Variants in CHRNA7 observed in about 807,000 individuals in gnomAD.
CHRNA7 encodes the protein neuronal acetylcholine receptor subunit alpha-7.
Under a neutral mutation model 48.0 loss-of-function variants are expected in CHRNA7, and 17 were observed. That is an observed-to-expected ratio of 0.35 (90% CI 0.24 to 0.53). The LOEUF is 0.53. CHRNA7 is among the 20% of genes least tolerant of loss of function. The probability of loss-of-function intolerance (pLI) is 0.92; values close to 1 mark genes in which losing one functional copy is unlikely to be tolerated. For synonymous variants in CHRNA7, 75 were observed against 242.3 expected (o/e 0.31, Z 6.41); for missense variants, 155 against 577.7 (o/e 0.27, Z 7.50).
intron 2 of CHRNA7, among the ~76,000 whole-genome samples, chr15:32,062,784 A>G (rs879919773): frequency 2.0e-5 from 3 of 151,732 alleles, no homozygotes; most frequent in Non-Finnish European, 4.4e-5. Flanking sequence ...TGCTATAACA[A>G]CTCCCAGAAC....
At chr15:32,132,354 TCTGC>T (rs2051171305) in intron 4 of CHRNA7, among the ~76,000 whole-genome samples, 2 of 152,288 alleles carry the variant, frequency 1.3e-5, no homozygotes, top group East Asian at 3.9e-4. Context: ...ACCATGCCGT[TCTGC>T]CTGTCACAAA....
intron 2 of CHRNA7, among the ~76,000 whole-genome samples, chr15:32,053,457 T>C (rs568032468): frequency 4.6e-5 from 7 of 152,334 alleles, no homozygotes; most frequent in African/African-American, 1.4e-4. Context: ...TTAATTTCAG[T>C]GATTTCCTTA....
At chr15:32,054,113 G>A (rs188884994) in intron 2 of CHRNA7, among the ~76,000 whole-genome samples, 12 of 152,276 alleles carry the variant, frequency 7.9e-5, no homozygotes, top group Admixed American at 2.0e-4. Context: ...GAGAAGGCAC[G>A]TGTTAGGCTA....
intron 3 of CHRNA7, 125 bp downstream of exon 3, chr15:32,101,472 A>AAGGCC: frequency 9.8e-7 from 1 of 1,025,204 alleles, no homozygotes. Flanking sequence ...AAAAAAACAA[A>AAGGCC]AGGCCATGGC....
intron 2 of CHRNA7, among the ~76,000 whole-genome samples, chr15:32,062,961 CTGT>C (rs2049903400): frequency 2.0e-5 from 3 of 152,168 alleles, no homozygotes; most frequent in African/African-American, 7.2e-5. Flanking sequence ...GGCTATAAAC[CTGT>C]ACAGCATGGT....
intron 3 of CHRNA7, 75 bp from the exon 4 acceptor site, chr15:32,111,715 T>C: frequency 1.2e-6 from 1 of 824,038 alleles, no homozygotes; most frequent in South Asian, 1.6e-5. Context: ...GGTTTTGCAC[T>C]TACCTAATAA....
In CHRNA7 at chr15:32,044,462, G is replaced by C. The variant is rs1178733953; in HGVS notation, c.195+13425G>C. ...CTGGCTAATTTTTGTATTTTTAGTAGAGACAGGTTTTCACCATATTGGCCA... is the reference window on the plus strand; with the variant it reads ...CTGGCTAATTTTTGTATTTTTAGTACAGACAGGTTTTCACCATATTGGCCA... On this transcript the variant is annotated intron_variant, in intron 2 of 9. Coordinates refer to ENST00000306901, the MANE Select transcript of CHRNA7 (RefSeq NM_000746.6). Among the ~76,000 whole-genome samples, 2 of 152,146 alleles carry C rather than the reference G, an allele frequency of 1.3e-5. 1 individual carries two copies. The highest frequency in any genetic ancestry group is 2.9e-5 in the Non-Finnish European group (2 of 68,024).
chr15:32,146,939 GC>G (rs753211426), intron 4 of CHRNA7, among the ~76,000 whole-genome samples: 1 of 152,176 alleles, frequency 6.6e-6, no homozygotes, highest in African/African-American at 2.4e-5. Context: ...GACTTTCTGT[GC>G]CAAATGCAAC....
chr15:32,040,646 A>G (rs1253866418), intron 2 of CHRNA7, among the ~76,000 whole-genome samples: 1 of 151,462 alleles, frequency 6.6e-6, no homozygotes, highest in Non-Finnish European at 1.5e-5. Flanking sequence ...TATATATTAT[A>G]TATACACAAA....
chr15:32,047,882 G>C (rs951467131), intron 2 of CHRNA7, among the ~76,000 whole-genome samples: 16 of 152,138 alleles, frequency 1.1e-4, no homozygotes, highest in South Asian at 2.1e-4. Context: ...TAGCATGAAG[G>C]GTTGTTGAAT....
At chr15:32,101,095 C>T in intron 2 of CHRNA7, 1 of 510,242 alleles carries the variant, frequency 2.0e-6, no homozygotes, top group Non-Finnish European at 3.4e-6. Context: ...TTTTTAAGTG[C>T]TGTATAATAA....
chr15:32,030,780 G>A (rs1901783690), intron 1 of CHRNA7, 118 bp from the exon 2 acceptor site: 1 of 1,504,814 alleles, frequency 6.6e-7, no homozygotes, highest in Admixed American at 2.2e-5. Context: ...CGGGGGCGCT[G>A]CGGGGGCTGC....
At chr15:32,118,353 A>G (rs1306544320) in intron 4 of CHRNA7, among the ~76,000 whole-genome samples, 2 of 152,234 alleles carry the variant, frequency 1.3e-5, no homozygotes, top group East Asian at 3.8e-4. Flanking sequence ...AAACAAACTA[A>G]GACAGTAGTA....
At chr15:32,139,419 G>A (rs928517874) in intron 4 of CHRNA7, among the ~76,000 whole-genome samples, 8 of 152,164 alleles carry the variant, frequency 5.3e-5, no homozygotes, top group Non-Finnish European at 8.8e-5. Context: ...AGTATGCTTC[G>A]TTTTGTAGGA....
At chr15:32,045,142 T>C (rs191036617) in intron 2 of CHRNA7, among the ~76,000 whole-genome samples, 2 of 152,324 alleles carry the variant, frequency 1.3e-5, no homozygotes, top group East Asian at 1.9e-4. Context: ...TCTTCAAATA[T>C]ATTAATAAGA....
At chr15:32,041,851 G>C (rs949679084) in intron 2 of CHRNA7, among the ~76,000 whole-genome samples, 2 of 152,046 alleles carry the variant, frequency 1.3e-5, no homozygotes, top group Non-Finnish European at 2.9e-5. Flanking sequence ...ATTTCTTTTT[G>C]GTTATGTCTT....
intron 2 of CHRNA7, among the ~76,000 whole-genome samples, chr15:32,089,501 T>C (rs1372945463): frequency 6.6e-6 from 1 of 152,212 alleles, no homozygotes; most frequent in Non-Finnish European, 1.5e-5. Context: ...TCAAATTGCA[T>C]ACAGGCATTC....
intron 2 of CHRNA7, among the ~76,000 whole-genome samples, chr15:32,058,615 A>G (rs1566809827): frequency 6.6e-6 from 1 of 152,196 alleles, no homozygotes; most frequent in Non-Finnish European, 1.5e-5. Context: ...AGAGTAGGAT[A>G]CATAATGTGG....
chr15:32,091,424 T>A (rs1473876744), intron 2 of CHRNA7, among the ~76,000 whole-genome samples: 1 of 152,212 alleles, frequency 6.6e-6, no homozygotes, highest in Admixed American at 6.5e-5. Flanking sequence ...CAAGTTTTAC[T>A]GGTCTAGAAC....
Sources: allele counts gnomAD v4.1 joint callset (sites outside exome capture counted in the v4.1 genomes callset), GRCh38; gene constraint gnomAD v4.1.1; transcripts MANE v1.5; gene names NCBI Gene and HGNC (gene_info 2026-07-23, HGNC 2026-07-21).